The following ETAA1 variants were observed in gnomAD, a reference collection of about 807,000 sequenced individuals.
The protein encoded by ETAA1 is ETAA1 activator of ATR kinase.
In ETAA1, 49 loss-of-function variants were observed where a neutral mutation model predicts 76.8. The observed-to-expected ratio is 0.64, with a 90% CI of 0.51 to 0.81. The LOEUF is 0.81. ETAA1 is among the 30% of genes least tolerant of loss of function. ETAA1 has a pLI of 0.00. For missense variants in ETAA1, 1,099 were observed against 1,074.0 expected, an observed-to-expected ratio of 1.02 and a Z score of -0.32; for synonymous variants, 373 against 372.2, an observed-to-expected ratio of 1.00 and a Z score of -0.03.
At chr2:67,408,147 C>T (rs1676268617) in intron 5 of ETAA1, among the ~76,000 whole-genome samples, 1 of 151,820 alleles carries the variant, frequency 6.6e-6, no homozygotes, top group South Asian at 2.1e-4. Context: ...TTTCTACTTC[C>T]TTTTACTTTG....
Position 67,410,872 on chromosome 2 carries a change from C to T in ETAA1, c.*834C>T, listed in dbSNP as rs1262146381. Reference sequence around the variant, plus strand: ...AATTATACTATTTGTTTCAAAGTATCAGTACATAAAATAACTTGAGGGAGT... The same window carrying T: ...AATTATACTATTTGTTTCAAAGTATTAGTACATAAAATAACTTGAGGGAGT... On this transcript the variant is annotated 3_prime_UTR_variant, in exon 6 of 6. Transcript: ENST00000272342. 6.6e-6 allele frequency: 1 copy of T among 151,898 alleles called. No homozygotes were observed. Among genetic ancestry groups the T allele is most frequent in the South Asian group, 2.1e-4 (1 of 4,822 alleles). 9.4% of individuals were successfully genotyped at this position (151,898 alleles called of 1,614,324 possible).
intron 3 of ETAA1, chr2:67,401,743 G>A (rs544277875): frequency 8.0e-4 from 122 of 151,956 alleles, no homozygotes; most frequent in African/African-American, 2.7e-3. Flanking sequence ...GACTATGATT[G>A]TCTTTAAATT....
chr2:67,409,814 G>A lies in ETAA1; in HGVS notation c.2654-97G>A, dbSNP rs142875043. On this transcript the variant is annotated intron_variant, in intron 5 of 5. Coordinates refer to ENST00000272342, the MANE Select transcript of ETAA1 (RefSeq NM_019002.4). ...GTTTGATTTAATAGCCAACTAATAT[G>A]GCAAATCTGGGTGATTAAAAAAAGC... The A allele has an allele frequency of 9.3e-4, 1,026 of 1,106,926 alleles. 10 individuals are homozygous for A. In the African/African-American group the frequency reaches 0.015, roughly 16 times the overall value. The allele number at this position is 1,106,926 out of a possible 1,614,324, so 68.6% of individuals were successfully genotyped here. A position where few individuals can be genotyped will look rare whatever the true frequency, so the allele number is the denominator to read the frequency against.
Position 67,410,762 on chromosome 2 carries a change from G to C in ETAA1, c.*724G>C, listed in dbSNP as rs368558462. 1 of 151,938 alleles carries C rather than the reference G, an allele frequency of 6.6e-6. No individual in the cohort carries two copies. The highest frequency in any genetic ancestry group is 6.6e-5 in the Admixed American group (1 of 15,230). 9.4% of individuals were successfully genotyped at this position (151,938 alleles called of 1,614,324 possible). ...TCTGGTCCAGCTTCCTTATTGTATC[G>C]GTGAGAAAAAGTAATACTGTTTTCA... On this transcript the variant is annotated 3_prime_UTR_variant, in exon 6 of 6. Coordinates refer to ENST00000272342, the MANE Select transcript of ETAA1 (RefSeq NM_019002.4).
Position 67,397,432 on chromosome 2 carries a change from G to A in ETAA1, c.-17G>A. 4 of 1,577,240 alleles carry A rather than the reference G, an allele frequency of 2.5e-6. No individual in the cohort carries two copies. The highest frequency in any genetic ancestry group is 3.4e-6 in the Non-Finnish European group (4 of 1,161,178). The stretch of plus-strand genomic sequence containing the variant: ...AATGTGAAAGAAGAAGCGGCTGGTG[G>A]AGGCGGGCCATAGGCAATGAGTCGG... On this transcript the variant is annotated 5_prime_UTR_variant, in exon 1 of 6. Transcript: ENST00000272342.
At chr2:67,406,161 A>C (rs182811643) in intron 5 of ETAA1, among the ~76,000 whole-genome samples, 4 of 152,270 alleles carry the variant, frequency 2.6e-5, no homozygotes, top group East Asian at 3.9e-4. Context: ...GCTGTGGATT[A>C]TCTCTCTTTA....
At chr2:67,408,398 A>G (rs1021532153) in intron 5 of ETAA1, among the ~76,000 whole-genome samples, 1 of 152,148 alleles carries the variant, frequency 6.6e-6, no homozygotes, top group Non-Finnish European at 1.5e-5. Context: ...CATTGTCCAT[A>G]AACAGGTTTT....
intron 2 of ETAA1, 81 bp downstream of exon 2, chr2:67,399,378 A>C: frequency 7.5e-7 from 1 of 1,332,200 alleles, no homozygotes; most frequent in Non-Finnish European, 1.0e-6. Flanking sequence ...GTCAGATAAT[A>C]GCATCGGGAA....
In ETAA1 at chr2:67,405,173, ATTCT is replaced by A; in HGVS notation, c.2496_2499del (p.Gln834LeufsTer6). The stretch of plus-strand genomic sequence containing the variant: ...ATTTACAAGGATGAAAAATTCTCAG[ATTCT>A]TTCTCAGTTTAATCAAAATTGTATA... On this transcript the variant is annotated frameshift_variant, in exon 5 of 6. Transcript: ENST00000272342. LOFTEE classifies it high-confidence loss of function. The A allele has an allele frequency of 1.2e-6, 2 of 1,612,502 alleles. No individual in the cohort carries two copies. Among genetic ancestry groups the A allele is most frequent in the Non-Finnish European group, 1.7e-6 (2 of 1,179,170 alleles).
rs1396195948 is a variant in ETAA1, at chr2:67,411,356, G to T, written c.*1318G>T. On this transcript the variant is annotated 3_prime_UTR_variant, in exon 6 of 6. Coordinates refer to ENST00000272342, the MANE Select transcript of ETAA1 (RefSeq NM_019002.4). The stretch of plus-strand genomic sequence containing the variant: ...ATACAGATACTCCTCAACTTACCGT[G>T]TAGTTACATCCCAATAAACCCATCA... 1 of 152,062 alleles carries T rather than the reference G, an allele frequency of 6.6e-6. No individual in the cohort carries two copies. Among genetic ancestry groups the T allele is most frequent in the Non-Finnish European group, 1.5e-5 (1 of 67,990 alleles). The allele number at this position is 152,062 out of a possible 1,614,324, so 9.4% of individuals were successfully genotyped here.
In ETAA1 at chr2:67,403,992, G is replaced by C. The variant is rs1676130225; in HGVS notation, c.1310G>C (p.Arg437Thr). 6.2e-7 allele frequency: 1 copy of C among 1,608,278 alleles called. No individual in the cohort carries two copies. Among genetic ancestry groups the C allele is most frequent in the African/African-American group, 1.3e-5 (1 of 74,372 alleles). ...TSRANTSPDA[R>T]LGDSKVLQDL... The stretch of plus-strand genomic sequence containing the variant: ...AGAGCAAATACAAGTCCAGATGCCA[G>C]GTTAGGAGATTCAAAAGTATTACAA... The change falls in exon 5 of 6, where the codon AGG becomes ACG. Residue 437 changes from arginine (R) to threonine (T), a missense_variant. Arg to Thr is a moderately conservative substitution (Grantham distance 71, BLOSUM62 -1). Around this residue, in one of 3 missense-constraint regions of ETAA1, gnomAD observed 761 missense variants for 731.9 expected, o/e 1.04. Coordinates refer to ENST00000272342, the MANE Select transcript of ETAA1 (RefSeq NM_019002.4).
rs541990317 is a variant in ETAA1, at chr2:67,403,592, G to A, written c.910G>A (p.Ala304Thr). ...ACAGTTAAGCCAAGAACTGCCAGAG[G>A]CTTTTTGGAGCACCAGTAATACTAC... Reference protein sequence around the residue: ...SGQLSQELPEAFWSTSNTTFV... With the variant: ...SGQLSQELPETFWSTSNTTFV... The change falls in exon 5 of 6, where the codon GCT becomes ACT. Residue 304 changes from alanine (A) to threonine (T), a missense_variant. This residue lies in a region of ETAA1 where 761 missense variants were observed against 731.9 expected (regional missense o/e 1.04). Coordinates refer to ENST00000272342, the MANE Select transcript of ETAA1 (RefSeq NM_019002.4). 17 of 1,613,308 alleles carry A rather than the reference G, an allele frequency of 1.1e-5. No homozygotes were observed. The highest frequency in any genetic ancestry group is 1.7e-5 in the Admixed American group (1 of 59,956).
At position 67,404,814 on chromosome 2, in the gene ETAA1, A is replaced by T; in HGVS notation, c.2132A>T (p.Gln711Leu). 6.2e-7 allele frequency: 1 copy of T among 1,613,430 alleles called. No individual in the cohort carries two copies. Among genetic ancestry groups the T allele is most frequent in the Non-Finnish European group, 8.5e-7 (1 of 1,179,564 alleles). ...CAGACATCTTTGACAAATAGCTCACAAATAGATAAGCCAATGAAGATGGAG... is the reference window on the plus strand; with the variant it reads ...CAGACATCTTTGACAAATAGCTCACTAATAGATAAGCCAATGAAGATGGAG... ...SVQTSLTNSS[Q>L]IDKPMKMEKG... Residue 711 changes from glutamine to leucine, a missense_variant, in exon 5 of 6, where the codon CAA (glutamine) becomes CTA (leucine). Gln to Leu is a moderately radical substitution (Grantham distance 113). Around this residue, in one of 3 missense-constraint regions of ETAA1, gnomAD observed 302 missense variants for 278.1 expected, o/e 1.09. Transcript: ENST00000272342.
rs1194327787 is a variant in ETAA1, at chr2:67,404,679, G to T, written c.1997G>T (p.Cys666Phe). Residue 666 changes from cysteine (C) to phenylalanine (F), a missense_variant, in exon 5 of 6, where the codon TGT (cysteine) becomes TTT (phenylalanine). Cys to Phe is a radical substitution (Grantham distance 205). Coordinates refer to ENST00000272342, the MANE Select transcript of ETAA1 (RefSeq NM_019002.4). ...RKDSKTSESICEINNNSEHGA... is the reference protein window; with the variant it reads ...RKDSKTSESIFEINNNSEHGA... ...GACAGTAAGACATCAGAAAGTATAT[G>T]TGAGATCAATAATAATTCCGAACAT... 1 of 1,613,112 alleles carries T rather than the reference G, an allele frequency of 6.2e-7. No homozygotes were observed. The highest frequency in any genetic ancestry group is 1.3e-5 in the African/African-American group (1 of 74,854).
rs776474214 is a variant in ETAA1, at chr2:67,405,131, G to C, written c.2449G>C (p.Gly817Arg). 5.0e-6 allele frequency: 8 copies of C among 1,612,334 alleles called. No individual in the cohort carries two copies. The highest frequency in any genetic ancestry group is 6.8e-6 in the Non-Finnish European group (8 of 1,179,068). Reference sequence around the variant, plus strand: ...TCAGAGCAACCTTAACACAACAGTTGGATTTTCAAAGTTTACATTTACAAG... The same window carrying C: ...TCAGAGCAACCTTAACACAACAGTTCGATTTTCAAAGTTTACATTTACAAG... ...EAQSNLNTTV[G>R]FSKFTFTRMK... The change falls in exon 5 of 6, where the codon GGA becomes CGA. Residue 817 changes from glycine to arginine, a missense_variant. Around this residue, in one of 3 missense-constraint regions of ETAA1, gnomAD observed 302 missense variants for 278.1 expected, o/e 1.09. Coordinates refer to ENST00000272342, the MANE Select transcript of ETAA1 (RefSeq NM_019002.4).
chr2:67,402,962 T>C lies in ETAA1; in HGVS notation c.530T>C (p.Ile177Thr). 1 of 1,603,034 alleles carries C rather than the reference T, an allele frequency of 6.2e-7. No homozygotes were observed. Among genetic ancestry groups the C allele is most frequent in the Non-Finnish European group, 8.5e-7 (1 of 1,175,036 alleles). Residue 177 changes from isoleucine (I) to threonine (T), a missense_variant, in exon 4 of 6, where the codon ATC becomes ACC. This residue lies in a region of ETAA1 where 761 missense variants were observed against 731.9 expected (regional missense o/e 1.04). Transcript: ENST00000272342. The stretch of plus-strand genomic sequence containing the variant: ...GCAAAAGGAAAATCAAGAGCAAAAA[T>C]CAGCTGCACAAAGTAAGTTAAGACT... ...SVAKGKSRAKISCTKLKTQSQ... is the reference protein window; with the variant it reads ...SVAKGKSRAKTSCTKLKTQSQ...
At position 67,404,024 on chromosome 2, in the gene ETAA1, T is replaced by C. The variant is rs144597655; in HGVS notation, c.1342T>C (p.Ser448Pro). ...AGATTCAAAAGTATTACAAGATCTTTCTTCAAAGACATATGACAGAGAATT... is the reference window on the plus strand; with the variant it reads ...AGATTCAAAAGTATTACAAGATCTTCCTTCAAAGACATATGACAGAGAATT... ...LGDSKVLQDL[S>P]SKTYDRELID... The change falls in exon 5 of 6, where the codon TCT (serine) becomes CCT (proline). Residue 448 changes from serine (S) to proline (P), a missense_variant. By Grantham distance (74) the Ser-to-Pro change is moderately conservative (BLOSUM62 -1). Transcript: ENST00000272342. The C allele has an allele frequency of 1.2e-6, 2 of 1,607,492 alleles. No individual in the cohort carries two copies. The highest frequency in any genetic ancestry group is 2.7e-5 in the African/African-American group (2 of 74,354).
At chr2:67,406,425 A>G (rs2103756623) in intron 5 of ETAA1, among the ~76,000 whole-genome samples, 1 of 152,132 alleles carries the variant, frequency 6.6e-6, no homozygotes, top group East Asian at 1.9e-4. Flanking sequence ...CTCCTTGTTT[A>G]TTTTTTATTT....
rs1375537150 is a variant in ETAA1 at position 67,404,269 on chromosome 2, T to G, written c.1587T>G (p.Ser529=). 2.5e-6 allele frequency: 4 copies of G among 1,612,198 alleles called. No homozygotes were observed. The highest frequency in any genetic ancestry group is 3.4e-6 in the Non-Finnish European group (4 of 1,179,194). ...AGTCAGCTTTGAACACAAGGTATTC[T>G]AATGAACAGAAAAATAAGTGCATTT... The part of the protein sequence containing the change: ...ERKSALNTRY[S]NEQKNKCILN... The change falls in exon 5 of 6, where the codon TCT becomes TCG. Residue 529 remains serine, a synonymous_variant. Coordinates refer to ENST00000272342, the MANE Select transcript of ETAA1 (RefSeq NM_019002.4).
Sources: allele counts gnomAD v4.1 joint callset (sites outside exome capture counted in the v4.1 genomes callset), GRCh38; gene constraint gnomAD v4.1.1; regional missense constraint gnomAD v4.1.1; transcripts MANE v1.5; gene names NCBI Gene and HGNC (gene_info 2026-07-23, HGNC 2026-07-21).